Variants in ACER3 observed in about 807,000 individuals in gnomAD.
The protein encoded by ACER3 is alkaline ceramidase 3.
Under a neutral mutation model 48.9 loss-of-function variants are expected in ACER3, and 16 were observed. That is an observed-to-expected ratio of 0.33 (90% CI 0.22 to 0.50). The LOEUF (loss-of-function observed/expected upper bound fraction) is 0.50. Ranked by LOEUF, ACER3 falls within the 20% of genes least tolerant of loss-of-function variation. ACER3 has a pLI of 0.98. For missense variants in ACER3, 227 were observed against 326.0 expected (o/e 0.70, Z 2.34); for synonymous variants, 109 against 107.8 (o/e 1.01, Z -0.07).
At chr11:76,974,653 A>C (rs1362802405) in intron 3 of ACER3, among the ~76,000 whole-genome samples, 1 of 152,190 alleles carries the variant, frequency 6.6e-6, no homozygotes, top group Non-Finnish European at 1.5e-5. Context: ...TAAGTAGAGG[A>C]AACAGCACAT....
chr11:76,953,529 C>T (rs928438963), intron 2 of ACER3, among the ~76,000 whole-genome samples: 11 of 152,062 alleles, frequency 7.2e-5, no homozygotes, highest in African/African-American at 1.9e-4. Flanking sequence ...ACCTGGGAGG[C>T]GGAGGTTGCA....
At position 76,956,102 on chromosome 11, in the gene ACER3, A is replaced by AAAATGTTCT. The variant is rs376748048; in HGVS notation, c.215-2873_215-2865dup. Among the ~76,000 whole-genome samples, 1,385 of 152,350 alleles carry AAAATGTTCT rather than the reference A, an allele frequency of 9.1e-3. 17 individuals carry two copies. The highest frequency in any genetic ancestry group is 0.023 in the South Asian group (111 of 4,832). ...TATAGGCTTTCTTTTAGGGGTGATG[A>AAAATGTTCT]AAATGTTCTAAAATTAGGTTGAGGT... is the stretch of plus-strand genomic sequence containing the variant. On this transcript the variant is annotated intron_variant, in intron 2 of 10. Transcript: ENST00000532485.
Position 76,983,503 on chromosome 11 carries a change from C to T in ACER3, c.321-2140C>T, listed in dbSNP as rs377103717. 8.0e-4 allele frequency among the ~76,000 whole-genome samples: 121 copies of T among 152,100 alleles called. No individual in the cohort carries two copies. The South Asian group carries it at 0.02, about 26-fold the overall frequency. The stretch of plus-strand genomic sequence containing the variant: ...GCTAATTTTTGAATTTTTGTAGAGA[C>T]GAGATTTTGCCATGTTGCCCAAGCT... On this transcript the variant is annotated intron_variant, in intron 4 of 10. Transcript: ENST00000532485.
intron 2 of ACER3, among the ~76,000 whole-genome samples, chr11:76,937,531 G>A (rs1323392212): frequency 6.6e-6 from 1 of 152,214 alleles, no homozygotes; most frequent in African/African-American, 2.4e-5. Flanking sequence ...GAAAGGATGA[G>A]AAGTGTCACT....
In ACER3 at chr11:77,023,172, A is replaced by G; in HGVS notation, c.*2845A>G. 2.5e-6 allele frequency: 1 copy of G among 398,604 alleles called. No homozygotes were observed. Among genetic ancestry groups the G allele is most frequent in the Non-Finnish European group, 4.4e-6 (1 of 226,042 alleles). 24.7% of individuals were successfully genotyped at this position (398,604 alleles called of 1,614,324 possible). ...TGCATTGATAATTAACAGGAAAAAC[A>G]TGTTTTTAAATAATCTACAAATGAG... On this transcript the variant is annotated 3_prime_UTR_variant, in exon 11 of 11. Coordinates refer to ENST00000532485, the MANE Select transcript of ACER3 (RefSeq NM_018367.7).
At chr11:76,980,414 C>T (rs1948558793) in intron 4 of ACER3, among the ~76,000 whole-genome samples, 1 of 152,092 alleles carries the variant, frequency 6.6e-6, no homozygotes, top group African/African-American at 2.4e-5. Flanking sequence ...TAGTTGCTCA[C>T]ATCTGTAATA....
At chr11:76,960,810 A>T (rs947582556) in intron 3 of ACER3, among the ~76,000 whole-genome samples, 4 of 152,208 alleles carry the variant, frequency 2.6e-5, no homozygotes, top group African/African-American at 9.6e-5. Context: ...AAAGGTATCC[A>T]TGCAAAGGGG....
chr11:76,910,223 G>T (rs996087051), intron 1 of ACER3, among the ~76,000 whole-genome samples: 2 of 151,984 alleles, frequency 1.3e-5, no homozygotes, highest in African/African-American at 2.4e-5. Context: ...GTATAACTAT[G>T]TAACAAACCT....
rs370822453 is a variant in ACER3 at position 76,985,694 on chromosome 11, C to G, written c.372C>G (p.Thr124=). 1.3e-6 allele frequency: 2 copies of G among 1,567,468 alleles called. No homozygotes were observed. The highest frequency in any genetic ancestry group is 1.4e-5 in the African/African-American group (1 of 71,890). The change falls in exon 5 of 11, where the codon ACC becomes ACG. Residue 124 remains threonine (T), a synonymous_variant. Coordinates refer to ENST00000532485, the MANE Select transcript of ACER3 (RefSeq NM_018367.7). The stretch of plus-strand genomic sequence containing the variant: ...CAGTAAACTACCATCTGCTTTTTAC[C>G]TTAGTTCTATTCAGTTTAATAGTAA... ...KNSVNYHLLF[T]LVLFSLIVTT...
intron 1 of ACER3, among the ~76,000 whole-genome samples, chr11:76,898,890 C>T (rs1056923667): frequency 9.7e-6 from 1 of 103,620 alleles, no homozygotes; most frequent in African/African-American, 4.0e-5. Context: ...GGCGACAGAG[C>T]GAGACTCCGT....
At position 77,021,365 on chromosome 11, in the gene ACER3, G is replaced by A. The variant is rs1949469559; in HGVS notation, c.*1038G>A. On this transcript the variant is annotated 3_prime_UTR_variant, in exon 11 of 11. Coordinates refer to ENST00000532485, the MANE Select transcript of ACER3 (RefSeq NM_018367.7). The stretch of plus-strand genomic sequence containing the variant: ...GCTCCTTAATTTTCTGAAGGAAATA[G>A]ATGTAAGTTTCTGCTACTTGAAACC... 6.6e-6 allele frequency: 1 copy of A among 152,192 alleles called. No homozygotes were observed. Among genetic ancestry groups the A allele is most frequent in the African/African-American group, 2.4e-5 (1 of 41,448 alleles). 9.4% of individuals were successfully genotyped at this position (152,192 alleles called of 1,614,324 possible). A position where few individuals can be genotyped will look rare whatever the true frequency, so the allele number is the denominator to read the frequency against.
intron 1 of ACER3, among the ~76,000 whole-genome samples, chr11:76,910,123 G>T (rs893499431): frequency 2.0e-5 from 3 of 151,724 alleles, no homozygotes; most frequent in South Asian, 2.1e-4. Flanking sequence ...GGGCCTGTTG[G>T]GGGGTGGGGG....
chr11:76,930,127 T>C (rs1946954640), intron 2 of ACER3, among the ~76,000 whole-genome samples: 1 of 151,828 alleles, frequency 6.6e-6, no homozygotes, highest in African/African-American at 2.4e-5. Context: ...TAGGCTATTA[T>C]TGCGTCAATT....
chr11:76,937,862 T>C (rs1160692300), intron 2 of ACER3, among the ~76,000 whole-genome samples: 1 of 152,234 alleles, frequency 6.6e-6, no homozygotes, highest in Non-Finnish European at 1.5e-5. Flanking sequence ...GAAATAGTAT[T>C]ATTATTACAT....
intron 4 of ACER3, among the ~76,000 whole-genome samples, chr11:76,980,060 C>T (rs1363062154): frequency 6.6e-6 from 1 of 151,914 alleles, no homozygotes; most frequent in Non-Finnish European, 1.5e-5. Context: ...ATCACTTGGG[C>T]CCTGGAGGTT....
At chr11:76,879,761 T>G (rs1448539019) in intron 1 of ACER3, among the ~76,000 whole-genome samples, 1 of 152,240 alleles carries the variant, frequency 6.6e-6, no homozygotes, top group Non-Finnish European at 1.5e-5. Context: ...CTGGCCCACT[T>G]GAACATGGTA....
intron 2 of ACER3, chr11:76,957,518 ACTGCAAC>A (rs770520170): frequency 4.5e-6 from 2 of 447,006 alleles, no homozygotes; most frequent in South Asian, 3.2e-5. Flanking sequence ...ATCTCGGCTC[ACTGCAAC>A]CTCCATTTCC....
Position 77,020,359 on chromosome 11 carries a change from C to T in ACER3, c.*32C>T, listed in dbSNP as rs1006474580. ...ATTCCACCAAGAAAACAAACAAGCA[C>T]CTACCATAGACCTGGCAGAATAAAT... is the stretch of plus-strand genomic sequence containing the variant. On this transcript the variant is annotated 3_prime_UTR_variant, in exon 11 of 11. Transcript: ENST00000532485. 6 of 1,607,218 alleles carry T rather than the reference C, an allele frequency of 3.7e-6. No homozygotes were observed. Among genetic ancestry groups the T allele is most frequent in the Admixed American group, 3.3e-5 (2 of 59,738 alleles).
chr11:76,953,246 G>T (rs1947733282), intron 2 of ACER3, among the ~76,000 whole-genome samples: 1 of 152,164 alleles, frequency 6.6e-6, no homozygotes, highest in Non-Finnish European at 1.5e-5. Flanking sequence ...GTTAAAGCAG[G>T]ATGCACACAC....
Sources: allele counts gnomAD v4.1 joint callset (sites outside exome capture counted in the v4.1 genomes callset), GRCh38; gene constraint gnomAD v4.1.1; transcripts MANE v1.5; gene names NCBI Gene and HGNC (gene_info 2026-07-23, HGNC 2026-07-21).